BTG4: variants seen among roughly 807,000 people sequenced by gnomAD.
BTG4 encodes BTG anti-proliferation factor 4, also known as protein BTG4.
Under a neutral mutation model 19.3 loss-of-function variants are expected in BTG4, and 10 were observed. That is an observed-to-expected ratio of 0.52 (90% CI 0.32 to 0.88). The LOEUF (loss-of-function observed/expected upper bound fraction) is 0.88, where lower values mean the gene tolerates loss of function less well. Ranked by LOEUF, BTG4 falls within the 40% of genes least tolerant of loss-of-function variation. The probability of loss-of-function intolerance (pLI) is 0.04; values close to 1 mark genes in which losing one functional copy is unlikely to be tolerated. For missense variants in BTG4, 238 were observed against 281.9 expected (o/e 0.84, Z 1.11); for synonymous variants, 91 against 95.7 (o/e 0.95, Z 0.29).
intron 5 of BTG4, among the ~76,000 whole-genome samples, chr11:111,485,288 C>G (rs1307468065): frequency 6.6e-6 from 1 of 152,164 alleles, no homozygotes; most frequent in Non-Finnish European, 1.5e-5. Flanking sequence ...TTTTATCCAA[C>G]TGCTGCAGAA....
chr11:111,390,820 A>G, the BTG4 span, among the ~76,000 whole-genome samples: 1 of 152,212 alleles, frequency 6.6e-6, no homozygotes, highest in Non-Finnish European at 1.5e-5. Context: ...TTATCTTCCC[A>G]AAACAAGGCA....
chr11:111,423,580 C>A, the BTG4 span, among the ~76,000 whole-genome samples: 1 of 152,192 alleles, frequency 6.6e-6, no homozygotes, highest in East Asian at 1.9e-4. Flanking sequence ...ACCTTGCCCA[C>A]CCTTACACCA....
Position 111,495,314 on chromosome 11 carries a change from C to A in BTG4, c.511G>T (p.Val171Phe). 3 of 1,600,744 alleles carry A rather than the reference C, an allele frequency of 1.9e-6. No homozygotes were observed. Among genetic ancestry groups the A allele is most frequent in the East Asian group, 2.2e-5 (1 of 44,676 alleles). ...TGAAAGGGCTGTTTCAAGTTTTCAA[C>A]CTGGAAAAAAAAAGTATAAAGATCT... ...KVSNPKSIYQ[V>F]ENLKQPFQSW... The change falls in exon 5 of 5, where the codon GTT (valine) becomes TTT (phenylalanine). Residue 171 changes from valine to phenylalanine, a missense_variant and splice_region_variant. Val to Phe is a conservative substitution (Grantham distance 50, BLOSUM62 -1). Transcript: ENST00000692032.
chr11:111,393,643 G>A, the BTG4 span, among the ~76,000 whole-genome samples: 1 of 152,212 alleles, frequency 6.6e-6, no homozygotes, highest in Admixed American at 6.5e-5. Context: ...AGTTACTAAA[G>A]CAAAACCAGA....
chr11:111,465,157 A>G (rs1395994850), downstream of BTG4, among the ~76,000 whole-genome samples: 2 of 152,166 alleles, frequency 1.3e-5, no homozygotes, highest in Non-Finnish European at 1.5e-5. Context: ...TAACCTGAAG[A>G]GCCAGGTCCG....
At chr11:111,513,400 G>A (rs1038878310), upstream of BTG4, 1 of 533,920 alleles carries the variant, frequency 1.9e-6, no homozygotes, top group African/African-American at 1.9e-5. Flanking sequence ...CTGTCACAAC[G>A]TGTTGGGGTA....
chr11:111,428,137 A>G, the BTG4 span, among the ~76,000 whole-genome samples: 1 of 152,240 alleles, frequency 6.6e-6, no homozygotes, highest in Admixed American at 6.5e-5. Flanking sequence ...TGGAGACGTC[A>G]GGACAGAAAA....
Position 111,509,193 on chromosome 11 carries a change from T to C in BTG4, c.-27+2988A>G, listed in dbSNP as rs551390575. Among the ~76,000 whole-genome samples, 5 of 152,200 alleles carry C rather than the reference T, an allele frequency of 3.3e-5. 1 individual carries two copies. Among genetic ancestry groups the C allele is most frequent in the Admixed American group, 2.6e-4 (4 of 15,286 alleles). On this transcript the variant is annotated intron_variant, in intron 1 of 4. Transcript: ENST00000692032. Reference sequence around the variant, plus strand: ...TATAAAAACCGCTGGCAGTTCATTTTAGCTCAAAAGAAAATCTTCTCCCAT... The same window carrying C: ...TATAAAAACCGCTGGCAGTTCATTTCAGCTCAAAAGAAAATCTTCTCCCAT...
At chr11:111,488,701 CA>C (rs1865213067) in intron 5 of BTG4, among the ~76,000 whole-genome samples, 1 of 152,148 alleles carries the variant, frequency 6.6e-6, no homozygotes, top group Non-Finnish European at 1.5e-5. Context: ...ACCCATCTGA[CA>C]GGTATTAACT....
the BTG4 span, among the ~76,000 whole-genome samples, chr11:111,408,085 G>A: frequency 3.9e-5 from 6 of 152,260 alleles, no homozygotes; most frequent in South Asian, 2.1e-4. Flanking sequence ...ACCTCAGCCA[G>A]GCCCTTGGAA....
intron 5 of BTG4, among the ~76,000 whole-genome samples, chr11:111,484,728 A>T (rs1159796483): frequency 6.6e-6 from 1 of 152,132 alleles, no homozygotes; most frequent in East Asian, 1.9e-4. Flanking sequence ...AGGAAAGAGG[A>T]CCAACAAAAC....
chr11:111,420,540 A>G, the BTG4 span, among the ~76,000 whole-genome samples: 1 of 152,236 alleles, frequency 6.6e-6, no homozygotes, highest in Non-Finnish European at 1.5e-5. Flanking sequence ...TGAGACCATG[A>G]TCATCTCACA....
chr11:111,407,197 A>AC, the BTG4 span, among the ~76,000 whole-genome samples: 1,880 of 148,520 alleles, frequency 0.013, 31 homozygotes, highest in African/African-American at 0.042. Context: ...CTATAGTTAT[A>AC]CATATAAGTA....
At chr11:111,401,116 G>A in the BTG4 span, 1 of 143,612 alleles carries the variant, frequency 7.0e-6, no homozygotes, top group South Asian at 2.3e-4. Context: ...AAGTTTGTAA[G>A]TTAGTTCATG....
chr11:111,417,288 G>C, the BTG4 span: 508 of 152,390 alleles, frequency 3.3e-3, 2 homozygotes, highest in Non-Finnish European at 6.1e-3. Context: ...GCTTCGCATG[G>C]CTGCACTTGC....
chr11:111,508,613 T>C (rs1379940669), intron 1 of BTG4, among the ~76,000 whole-genome samples: 1 of 152,002 alleles, frequency 6.6e-6, no homozygotes, highest in African/African-American at 2.4e-5. Context: ...GCTCATCTTT[T>C]CCATATAGCC....
chr11:111,405,110 A>C, the BTG4 span, among the ~76,000 whole-genome samples: 6 of 152,184 alleles, frequency 3.9e-5, no homozygotes, highest in Non-Finnish European at 7.3e-5. Context: ...GCTGGACATT[A>C]AGATGTCAGA....
chr11:111,484,360 C>CA (rs1256234877), intron 5 of BTG4, among the ~76,000 whole-genome samples: 2 of 152,126 alleles, frequency 1.3e-5, no homozygotes, highest in African/African-American at 4.8e-5. Flanking sequence ...CTAACAGTGT[C>CA]ATATAAACCA....
chr11:111,459,270 C>T, the BTG4 span, among the ~76,000 whole-genome samples: 1 of 151,974 alleles, frequency 6.6e-6, no homozygotes, highest in African/African-American at 2.4e-5. Context: ...TACTTTATAG[C>T]TTGGGTTGTA....
Sources: gnomAD v4.1 joint callset for allele counts (sites outside exome capture counted in the v4.1 genomes callset) on GRCh38, gnomAD v4.1.1 for gene constraint, MANE v1.5 for transcripts, NCBI Gene and HGNC (gene_info 2026-07-23, HGNC 2026-07-21) for gene names.